Variants in CR1 observed in about 807,000 individuals in gnomAD.
The protein encoded by CR1 is complement receptor type 1.
In CR1, 116 loss-of-function variants were observed where a neutral mutation model predicts 187.3. The observed-to-expected ratio is 0.62, with a 90% CI of 0.53 to 0.72. The LOEUF is 0.72. Ranked by LOEUF, CR1 falls within the 30% of genes least tolerant of loss-of-function variation. CR1 has a pLI of 0.00. For missense variants in CR1, 1,731 were observed against 2,110.7 expected (o/e 0.82, Z 3.52); for synonymous variants, 576 against 747.1 (o/e 0.77, Z 3.73).
At position 207,565,821 on chromosome 1, in the gene CR1, C is replaced by T. The variant is rs1660476303; in HGVS notation, c.3867-17C>T. 1.9e-6 allele frequency: 3 copies of T among 1,610,422 alleles called. No homozygotes were observed. In the Middle Eastern group the frequency reaches 5.0e-4, roughly 266 times the overall value. ...TGGCTGAAACAGCTCACTATTCACTCCTATTTTCTTCTTTAGATTTCAATT... is the reference window on the plus strand; with the variant it reads ...TGGCTGAAACAGCTCACTATTCACTTCTATTTTCTTCTTTAGATTTCAATT... On this transcript the variant is annotated splice_polypyrimidine_tract_variant and intron_variant, in intron 23 of 46. Transcript: ENST00000367049.
chr1:207,497,248 A>G lies in CR1; in HGVS notation c.121+860A>G, dbSNP rs116544051. Among the ~76,000 whole-genome samples the G allele has an allele frequency of 7.8e-3, 1,182 of 152,258 alleles. 17 individuals are homozygous for G. Among genetic ancestry groups the G allele is most frequent in the African/African-American group, 0.027 (1,112 of 41,528 alleles). ...TTTAGTACAAAATAACGCCTATTAT[A>G]ATTATTATGGAAATTTTGAGGCCAC... is the stretch of plus-strand genomic sequence containing the variant. On this transcript the variant is annotated intron_variant, in intron 1 of 46. Coordinates refer to ENST00000367049, the MANE Select transcript of CR1 (RefSeq NM_000651.6).
chr1:207,566,035 T>A (rs1297479413), intron 24 of CR1, 112 bp downstream of exon 24: 9 of 1,374,876 alleles, frequency 6.5e-6, no homozygotes, highest in Non-Finnish European at 8.0e-6. Flanking sequence ...AATTATCGAT[T>A]TAAAAATAGT....
intron 39 of CR1, among the ~76,000 whole-genome samples, chr1:207,613,145 T>C (rs1238135716): frequency 6.6e-6 from 1 of 152,062 alleles, no homozygotes; most frequent in Non-Finnish European, 1.5e-5. Context: ...AGAACAAGGT[T>C]ATACTGACAA....
At chr1:207,611,029 ATT>A (rs1661912901) in intron 37 of CR1, among the ~76,000 whole-genome samples, 2 of 151,158 alleles carry the variant, frequency 1.3e-5, no homozygotes, top group Non-Finnish European at 2.9e-5. Context: ...CATCTTATTC[ATT>A]CTTTCTTTTT....
At chr1:207,511,339 G>T (rs1659609583) in intron 3 of CR1, among the ~76,000 whole-genome samples, 1 of 152,108 alleles carries the variant, frequency 6.6e-6, no homozygotes, top group South Asian at 2.1e-4. Context: ...GCATAAAAAA[G>T]TGTCATAAGG....
chr1:207,603,849 A>G (rs2102376232), intron 35 of CR1, among the ~76,000 whole-genome samples: 1 of 152,348 alleles, frequency 6.6e-6, no homozygotes. Flanking sequence ...GATCCTGCAC[A>G]CGTGAAAAGA....
chr1:207,580,360 C>G lies in CR1; in HGVS notation c.5057C>G (p.Ala1686Gly). The G allele has an allele frequency of 6.2e-7, 1 of 1,613,982 alleles. No individual in the cohort carries two copies. Among genetic ancestry groups the G allele is most frequent in the Non-Finnish European group, 8.5e-7 (1 of 1,179,872 alleles). ...CEPGYDLRGAASLHCTPQGDW... is the reference protein window; with the variant it reads ...CEPGYDLRGAGSLHCTPQGDW... Reference sequence around the variant, plus strand: ...CCTGGCTATGACCTCAGAGGGGCTGCGTCTCTGCACTGCACACCCCAGGGA... The same window carrying G: ...CCTGGCTATGACCTCAGAGGGGCTGGGTCTCTGCACTGCACACCCCAGGGA... Residue 1686 changes from alanine to glycine, a missense_variant, in exon 30 of 47, where the codon GCG becomes GGG. Ala to Gly is a moderately conservative substitution (Grantham distance 60). Around this residue, in one of 5 missense-constraint regions of CR1, gnomAD observed 1,312 missense variants for 1,379.6 expected, o/e 0.95. Transcript: ENST00000367049.
intron 43 of CR1, among the ~76,000 whole-genome samples, chr1:207,620,490 T>C (rs997825322): frequency 6.6e-6 from 1 of 152,220 alleles, no homozygotes; most frequent in African/African-American, 2.4e-5. Flanking sequence ...CATTGAGCTC[T>C]GTAGAAGAGT....
chr1:207,503,966 A>G (rs1659351481), intron 1 of CR1, among the ~76,000 whole-genome samples: 1 of 152,262 alleles, frequency 6.6e-6, no homozygotes, highest in African/African-American at 2.4e-5. Flanking sequence ...GTAAGAAGGA[A>G]TCTTCTATCG....
chr1:207,609,276 C>T lies in CR1; in HGVS notation c.5897-14C>T. The T allele has an allele frequency of 6.4e-7, 1 of 1,572,942 alleles. No individual in the cohort carries two copies. The highest frequency in any genetic ancestry group is 8.6e-7 in the Non-Finnish European group (1 of 1,157,522). On this transcript the variant is annotated splice_polypyrimidine_tract_variant and intron_variant, in intron 36 of 46. Coordinates refer to ENST00000367049, the MANE Select transcript of CR1 (RefSeq NM_000651.6). Reference sequence around the variant, plus strand: ...AAAAAATAAGCTGTTTTACCATACTCTTCCTTCTCTCAGTCATATCTTGTG... The same window carrying T: ...AAAAAATAAGCTGTTTTACCATACTTTTCCTTCTCTCAGTCATATCTTGTG...
At chr1:207,611,589 C>A in intron 37 of CR1, 88 bp from the exon 38 acceptor site, 1 of 1,545,676 alleles carries the variant, frequency 6.5e-7, no homozygotes, top group South Asian at 1.2e-5. Context: ...TCTGCAATGA[C>A]GATTTTTAAG....
chr1:207,605,337 C>CCACACACACACACACA (rs61201153), intron 35 of CR1, among the ~76,000 whole-genome samples: 25 of 142,786 alleles, frequency 1.8e-4, no homozygotes, highest in Admixed American at 9.1e-4. Context: ...AATATTCTCA[C>CCACACACACACACACA]CACACACACA....
At position 207,617,604 on chromosome 1, in the gene CR1, TATATATATAGAGAG is replaced by T. The variant is rs1270899714; in HGVS notation, c.6890-465_6890-452del. 6.8e-4 allele frequency among the ~76,000 whole-genome samples: 15 copies of T among 22,088 alleles called. No individual in the cohort carries two copies. In the South Asian group the frequency reaches 8.2e-3, roughly 12 times the overall value. The allele number at this position is 22,088 out of a possible 152,430, so 14.5% of individuals were successfully genotyped here. A position where few individuals can be genotyped will look rare whatever the true frequency, so the allele number is the denominator to read the frequency against. On this transcript the variant is annotated intron_variant, in intron 41 of 46. Coordinates refer to ENST00000367049, the MANE Select transcript of CR1 (RefSeq NM_000651.6). ...ATATATATATATATATATATATATA[TATATATATAGAGAG>T]AGAGAGAGAGAGAGAGAGAGAGAGA...
intron 46 of CR1, among the ~76,000 whole-genome samples, chr1:207,633,495 T>C (rs896260476): frequency 3.3e-5 from 5 of 152,200 alleles, no homozygotes; most frequent in African/African-American, 1.2e-4. Flanking sequence ...GTACATAACC[T>C]ATAGTAATTG....
At chr1:207,633,470 C>G (rs573959332) in intron 46 of CR1, among the ~76,000 whole-genome samples, 1 of 152,102 alleles carries the variant, frequency 6.6e-6, no homozygotes, top group African/African-American at 2.4e-5. Flanking sequence ...AAACATTTCT[C>G]CCATCATTAT....
chr1:207,564,343 C>G (rs1227483292), intron 23 of CR1, 109 bp downstream of exon 23: 1 of 1,569,838 alleles, frequency 6.4e-7, no homozygotes, highest in East Asian at 2.2e-5. Flanking sequence ...CACACACACA[C>G]ACCTTCAGAG....
intron 4 of CR1, among the ~76,000 whole-genome samples, chr1:207,520,968 G>GTTTTTTTTTTTTTTTTTTTTTTTTTT (rs141546660): frequency 1.1e-4 from 5 of 44,570 alleles, no homozygotes; most frequent in Non-Finnish European, 1.1e-4. Context: ...TTTTTTGGTT[G>GTTTTTTTTTTTTTTTTTTTTTTTTTT]TTTTTTTTTT....
chr1:207,603,270 T>C (rs1661657111), intron 35 of CR1, among the ~76,000 whole-genome samples: 1 of 152,178 alleles, frequency 6.6e-6, no homozygotes, highest in South Asian at 2.1e-4. Context: ...AGTTCAACTA[T>C]TTTAGATTTC....
intron 46 of CR1, among the ~76,000 whole-genome samples, chr1:207,633,843 A>C (rs1360796588): frequency 6.6e-6 from 1 of 152,146 alleles, no homozygotes. Flanking sequence ...CTGAGTCTGA[A>C]AAGAGTCAGC....
Sources: allele counts gnomAD v4.1 joint callset (sites outside exome capture counted in the v4.1 genomes callset), GRCh38; gene constraint gnomAD v4.1.1; regional missense constraint gnomAD v4.1.1; transcripts MANE v1.5; gene names NCBI Gene and HGNC (gene_info 2026-07-23, HGNC 2026-07-21).